Variants in LCT observed in about 807,000 individuals in gnomAD.
LCT encodes lactase/phlorizin hydrolase.
Under a neutral mutation model 173.0 loss-of-function variants are expected in LCT, and 90 were observed. That is an observed-to-expected ratio of 0.52 (90% CI 0.44 to 0.62). The LOEUF is 0.62. Ranked by LOEUF, LCT falls within the 20% of genes least tolerant of loss-of-function variation. LCT has a pLI of 0.00. For synonymous variants in LCT, 853 were observed against 957.6 expected, an observed-to-expected ratio of 0.89 and a Z score of 2.02; for missense variants, 1,864 against 2,431.4, an observed-to-expected ratio of 0.77 and a Z score of 4.91.
chr2:135,807,056 C>G (rs886928798), intron 9 of LCT, 72 bp downstream of exon 9: 1 of 1,564,518 alleles, frequency 6.4e-7, no homozygotes, highest in African/African-American at 1.4e-5. Context: ...CTGCCCTTCC[C>G]AGCACTGAGC....
rs2077791910 is a variant in LCT, at chr2:135,817,661, T to A, written c.1387A>T (p.Met463Leu). 1 of 1,613,920 alleles carries A rather than the reference T, an allele frequency of 6.2e-7. No individual in the cohort carries two copies. The highest frequency in any genetic ancestry group is 1.1e-5 in the South Asian group (1 of 91,076). The part of the protein sequence containing the change: ...FSISWSRIFP[M>L]GHGSSPSLPG... ...AGGCTGGGGCTGCTCCCGTGCCCCA[T>A]GGGGAAGATCCGGGACCAGGAGATG... Residue 463 changes from methionine to leucine, a missense_variant, in exon 6 of 17, where the codon ATG becomes TTG. Met to Leu is a conservative substitution (Grantham distance 15). Coordinates refer to ENST00000264162, the MANE Select transcript of LCT (RefSeq NM_002299.4).
rs2077525698 is a variant in LCT, at chr2:135,790,617, CA to C, written c.5335+40del. 1.5e-6 allele frequency: 2 copies of C among 1,309,176 alleles called. No individual in the cohort carries two copies. The highest frequency in any genetic ancestry group is 1.4e-5 in the African/African-American group (1 of 69,012). 81.1% of individuals were successfully genotyped at this position (1,309,176 alleles called of 1,614,324 possible). A position where few individuals can be genotyped will look rare whatever the true frequency, so the allele number is the denominator to read the frequency against. On this transcript the variant is annotated intron_variant, in intron 15 of 16. Transcript: ENST00000264162. The surrounding 1 kb of genome is among the most constrained non-coding windows in gnomAD (Gnocchi z 4.1). ...TCCTGCAAATAGCAGATGTTTCCAA[CA>C]GGGGAAGGTGCACGCTGGGGAAGGG...
intron 3 of LCT, 95 bp downstream of exon 3, chr2:135,829,497 GT>G: frequency 1.1e-6 from 1 of 927,966 alleles, no homozygotes. Flanking sequence ...GTTGATGGAA[GT>G]TCAGTTTATG....
intron 1 of LCT, 67 bp from the exon 2 acceptor site, chr2:135,833,257 T>A: frequency 1.8e-6 from 2 of 1,086,660 alleles, no homozygotes; most frequent in Non-Finnish European, 1.4e-6. Context: ...TGGAAACCAC[T>A]GGGGGATTCA....
chr2:135,803,795 C>G, intron 11 of LCT, 135 bp downstream of exon 11: 1 of 767,980 alleles, frequency 1.3e-6, no homozygotes, highest in Non-Finnish European at 2.3e-6. Flanking sequence ...GAAACCTCTA[C>G]AGCCCTGAGC....
intron 3 of LCT, among the ~76,000 whole-genome samples, chr2:135,827,194 G>T (rs1288131497): frequency 6.6e-6 from 1 of 152,122 alleles, no homozygotes; most frequent in African/African-American, 2.4e-5. Flanking sequence ...GGGCAGGCTG[G>T]TCTTGAACTC....
At chr2:135,835,900 G>A (rs936435951) in intron 1 of LCT, among the ~76,000 whole-genome samples, 8 of 146,658 alleles carry the variant, frequency 5.5e-5, no homozygotes, top group African/African-American at 7.7e-5. Flanking sequence ...GGACATAGAC[G>A]GAAAGGAAGA....
At chr2:135,822,205 A>G in intron 4 of LCT, 107 bp from the exon 5 acceptor site, 1 of 764,208 alleles carries the variant, frequency 1.3e-6, no homozygotes. Context: ...AACTCCAAGC[A>G]GTGGTTCCAA....
At chr2:135,792,168 C>G (rs77967887) in intron 14 of LCT, among the ~76,000 whole-genome samples, 1 of 152,106 alleles carries the variant, frequency 6.6e-6, no homozygotes, top group South Asian at 2.1e-4. Flanking sequence ...TTACCTAGAG[C>G]GCAAGTGGAT....
rs1045415676 is a variant in LCT, at chr2:135,819,285, C to T, written c.987-1224G>A. 2.0e-5 allele frequency among the ~76,000 whole-genome samples: 3 copies of T among 152,300 alleles called. No individual in the cohort carries two copies. In the South Asian group the frequency reaches 6.2e-4, roughly 32 times the overall value. Reference sequence around the variant, plus strand: ...TTTATTCTAGTCCATTTTCCTCCCTCCCACTCTCCTTTCCTCTTTTTTCTT... The same window carrying T: ...TTTATTCTAGTCCATTTTCCTCCCTTCCACTCTCCTTTCCTCTTTTTTCTT... On this transcript the variant is annotated intron_variant, in intron 5 of 16. Transcript: ENST00000264162.
In LCT at chr2:135,809,152, C is replaced by T; in HGVS notation, c.3195G>A (p.Glu1065=). Residue 1065 remains glutamate (E), a synonymous_variant, in exon 8 of 17, where the codon GAG becomes GAA. Transcript: ENST00000264162. The surrounding 1 kb of genome is among the most constrained non-coding windows in gnomAD (Gnocchi z 5.5). ...DRVKFWMTFN[E]PMYLAWLGYG... is the part of the protein sequence containing the mutation. ...AACCTAGCCATGCCAGGTACATGGG[C>T]TCATTAAAAGTCATCCAAAACTTGA... is the stretch of plus-strand genomic sequence containing the variant. 2 of 1,614,176 alleles carry T rather than the reference C, an allele frequency of 1.2e-6. No homozygotes were observed. Among genetic ancestry groups the T allele is most frequent in the Non-Finnish European group, 1.7e-6 (2 of 1,180,024 alleles).
intron 13 of LCT, among the ~76,000 whole-genome samples, chr2:135,795,213 AT>A (rs5834447): frequency 0.97 from 142,776 of 147,598 alleles, 69,164 homozygotes; most frequent in Non-Finnish European, 1. Context: ...ATCTTGTATA[AT>A]TTTTTTTTTT....
At chr2:135,800,186 C>A (rs1029981581) in intron 12 of LCT, among the ~76,000 whole-genome samples, 1 of 152,150 alleles carries the variant, frequency 6.6e-6, no homozygotes, top group Non-Finnish European at 1.5e-5. Context: ...GATGATTTTC[C>A]CAAGCTCACA....
In LCT at chr2:135,790,799, T is replaced by C. The variant is rs1207322720; in HGVS notation, c.5194A>G (p.Ile1732Val). ...TATTCCTCCTTTAACCAGTTCAGGA[T>C]CCTCCTGAAGCCAAAAGGCGTCATC... ...LKMTPFGFRR[I>V]LNWLKEEYND... The change falls in exon 15 of 17, where the codon ATC becomes GTC. Residue 1732 changes from isoleucine (I) to valine (V), a missense_variant. By Grantham distance (29) the Ile-to-Val change is conservative. This residue lies in a region of LCT where 514 missense variants were observed against 750.1 expected (regional missense o/e 0.69). Transcript: ENST00000264162. The surrounding 1 kb of genome is among the most constrained non-coding windows in gnomAD (Gnocchi z 4.1). The C allele has an allele frequency of 6.2e-7, 1 of 1,613,656 alleles. No individual in the cohort carries two copies. The highest frequency in any genetic ancestry group is 1.7e-5 in the Admixed American group (1 of 60,008).
chr2:135,825,299 A>C (rs2077878850), intron 3 of LCT, among the ~76,000 whole-genome samples: 1 of 152,206 alleles, frequency 6.6e-6, no homozygotes. Flanking sequence ...CTTTCTTTAC[A>C]GATGGGGAGT....
At chr2:135,835,366 C>T (rs2077977314) in intron 1 of LCT, among the ~76,000 whole-genome samples, 1 of 151,208 alleles carries the variant, frequency 6.6e-6, no homozygotes, top group Non-Finnish European at 1.5e-5. Context: ...ATCCCCCTGC[C>T]TTGGCCTCCT....
In LCT at chr2:135,836,671, C is replaced by T; in HGVS notation, c.499G>A (p.Gly167Arg). 6.2e-7 allele frequency: 1 copy of T among 1,614,152 alleles called. No individual in the cohort carries two copies. Among genetic ancestry groups the T allele is most frequent in the South Asian group, 1.1e-5 (1 of 91,076 alleles). ...AAGTCACTGAAGGTGAACCAGATCC[C>T]AACTAGGTCCCCGAAGGAGTGGAAG... ...FAFHSFGDLV[G>R]IWFTFSDLEE... Residue 167 changes from glycine (G) to arginine (R), a missense_variant, in exon 1 of 17, where the codon GGG becomes AGG. Coordinates refer to ENST00000264162, the MANE Select transcript of LCT (RefSeq NM_002299.4).
At position 135,798,055 on chromosome 2, in the gene LCT, G is replaced by A. The variant is rs1312031160; in HGVS notation, c.4950C>T (p.Ser1650=). The stretch of plus-strand genomic sequence containing the variant: ...GAGACTTGTTGAGGCCTGCAGCCAA[G>A]CTCCTGTCACGGATCCGCGTCTTCA... ...EVMKTRIRDR[S]LAAGLNKSRL... is the part of the protein sequence containing the mutation. Residue 1650 remains serine (S), a synonymous_variant, in exon 13 of 17, where the codon AGC becomes AGT. Transcript: ENST00000264162. The A allele has an allele frequency of 1.9e-6, 3 of 1,611,158 alleles. No homozygotes were observed. The highest frequency in any genetic ancestry group is 1.6e-4 in the Middle Eastern group (1 of 6,082).
At position 135,800,792 on chromosome 2, in the gene LCT, C is replaced by T; in HGVS notation, c.4681G>A (p.Gly1561Ser). 1 of 1,613,966 alleles carries T rather than the reference C, an allele frequency of 6.2e-7. No individual in the cohort carries two copies. The highest frequency in any genetic ancestry group is 8.5e-7 in the Non-Finnish European group (1 of 1,179,898). ...TAAPGVSNRP[G>S]TAPYIVGHNL... Reference sequence around the variant, plus strand: ...TGGCCAACAATGTAGGGGGCAGTGCCAGGCCTATTGGAGACTCCTGGAAAC... The same window carrying T: ...TGGCCAACAATGTAGGGGGCAGTGCTAGGCCTATTGGAGACTCCTGGAAAC... Residue 1561 changes from glycine to serine, a missense_variant, in exon 12 of 17, where the codon GGC (glycine) becomes AGC (serine). Around this residue, in one of 4 missense-constraint regions of LCT, gnomAD observed 514 missense variants for 750.1 expected, o/e 0.69. Coordinates refer to ENST00000264162, the MANE Select transcript of LCT (RefSeq NM_002299.4).
Sources: allele counts gnomAD v4.1 joint callset (sites outside exome capture counted in the v4.1 genomes callset), GRCh38; gene constraint gnomAD v4.1.1; regional missense constraint gnomAD v4.1.1; non-coding constraint Gnocchi (gnomAD v3.1); transcripts MANE v1.5; gene names NCBI Gene and HGNC (gene_info 2026-07-23, HGNC 2026-07-21).